Variants in CYB5R3 observed in about 807,000 individuals in gnomAD.
The protein encoded by CYB5R3 is cytochrome b5 reductase 3.
CYB5R3 carries 28 observed loss-of-function variants against 36.5 expected under a neutral mutation model. That is an observed-to-expected ratio of 0.77 (90% confidence interval 0.57 to 1.05). The LOEUF (loss-of-function observed/expected upper bound fraction) is 1.05, where lower values mean the gene tolerates loss of function less well. CYB5R3 is among the 50% of genes least tolerant of loss of function. The pLI, the probability that CYB5R3 is intolerant of heterozygous loss-of-function variation, is 0.00. For missense variants in CYB5R3, 474 were observed against 408.9 expected (o/e 1.16, Z -1.37); for synonymous variants, 181 against 159.8 (o/e 1.13, Z -1.00).
chr22:42,627,442 G>A (rs1928338037), intron 6 of CYB5R3, 53 bp from the exon 7 acceptor site: 1 of 1,573,368 alleles, frequency 6.4e-7, no homozygotes, highest in Non-Finnish European at 8.7e-7. Flanking sequence ...CTGTTCACAG[G>A]CACCGCCCCG....
rs1317389091 is a variant in CYB5R3 at position 42,618,796 on chromosome 22, G to A, written c.*977C>T. The A allele has an allele frequency of 1.3e-5, 2 of 150,378 alleles. No individual in the cohort carries two copies. The highest frequency in any genetic ancestry group is 2.4e-5 in the African/African-American group (1 of 40,990). 9.3% of individuals were successfully genotyped at this position (150,378 alleles called of 1,614,324 possible). On this transcript the variant is annotated 3_prime_UTR_variant, in exon 9 of 9. Coordinates refer to ENST00000352397, the MANE Select transcript of CYB5R3 (RefSeq NM_000398.7). ...CTTGTGTTGCAGGTCACAGACCCTC[G>A]AGGAGCTAGAGAAGGGTTAATATTA... is the stretch of plus-strand genomic sequence containing the variant.
At chr22:42,636,108 C>G (rs1569323412) in intron 2 of CYB5R3, among the ~76,000 whole-genome samples, 2 of 152,058 alleles carry the variant, frequency 1.3e-5, no homozygotes, top group African/African-American at 2.4e-5. Context: ...CGCAGCTACT[C>G]AGGGGGCTGA....
chr22:42,643,216 C>T (rs1490875848), intron 1 of CYB5R3, among the ~76,000 whole-genome samples: 2 of 152,190 alleles, frequency 1.3e-5, no homozygotes, highest in Non-Finnish European at 2.9e-5. Context: ...AGCCACGTGT[C>T]CTGTCTGTAA....
At chr22:42,630,835 G>C in intron 4 of CYB5R3, 47 bp downstream of exon 4, 1 of 1,511,312 alleles carries the variant, frequency 6.6e-7, no homozygotes, top group Non-Finnish European at 9.1e-7. Flanking sequence ...CTGTTGCCAT[G>C]GCCACCCACC....
intron 2 of CYB5R3, 102 bp from the exon 3 acceptor site, chr22:42,631,552 C>T: frequency 2.0e-6 from 2 of 1,005,322 alleles, no homozygotes; most frequent in Non-Finnish European, 3.1e-6. Context: ...TTTGTGTCCC[C>T]ACCCTTCCCC....
At chr22:42,649,241 C>CCG in intron 1 of CYB5R3, 54 bp downstream of exon 1, 1 of 842,490 alleles carries the variant, frequency 1.2e-6, no homozygotes, top group Non-Finnish European at 1.5e-6. Flanking sequence ...CCCTCGCCGC[C>CCG]GGGTCCCAGT....
intron 1 of CYB5R3, among the ~76,000 whole-genome samples, chr22:42,637,820 G>C (rs1928976499): frequency 6.6e-6 from 1 of 152,232 alleles, no homozygotes; most frequent in Admixed American, 6.5e-5. Flanking sequence ...ACAGCTGGCA[G>C]GTGAGGAGCT....
At chr22:42,633,839 T>TG (rs1170444737) in intron 2 of CYB5R3, among the ~76,000 whole-genome samples, 1 of 152,096 alleles carries the variant, frequency 6.6e-6, no homozygotes, top group Admixed American at 6.6e-5. Context: ...TGCATGCACA[T>TG]GGTCCCAGCT....
chr22:42,638,068 G>A (rs555183759), intron 1 of CYB5R3, among the ~76,000 whole-genome samples: 6 of 151,996 alleles, frequency 3.9e-5, no homozygotes, highest in African/African-American at 1.4e-4. Context: ...GGGCAACAGG[G>A]TGAAACTCCA....
In CYB5R3 at chr22:42,619,863, C is replaced by A. The variant is rs1188099476; in HGVS notation, c.816G>T (p.Leu272=). The A allele has an allele frequency of 6.2e-7, 1 of 1,607,292 alleles. No homozygotes were observed. Among genetic ancestry groups the A allele is most frequent in the African/African-American group, 1.3e-5 (1 of 74,856 alleles). Residue 272 remains leucine (L), a synonymous_variant, in exon 9 of 9, where the codon CTG becomes CTT. Transcript: ENST00000352397. The part of the protein sequence containing the change: ...LPPPEEEPLV[L]MCGPPPMIQY... The stretch of plus-strand genomic sequence containing the variant: ...GGATCATGGGTGGGGGGCCACACAT[C>A]AGCACCAGCGGCTCCTCCTCTGGGG...
At chr22:42,624,324 C>T (rs1019861922) in intron 7 of CYB5R3, among the ~76,000 whole-genome samples, 4 of 152,172 alleles carry the variant, frequency 2.6e-5, no homozygotes, top group African/African-American at 7.2e-5. Flanking sequence ...GGATTTGCAC[C>T]CTCAGCCCTC....
Position 42,622,599 on chromosome 22 carries a change from C to T in CYB5R3, c.733+1190G>A, listed in dbSNP as rs148476473. ...ACCCAAGCTGGTCATCTGAGAAGGG[C>T]GGCTGCTCCCTCAGGGATGGGCCCA... On this transcript the variant is annotated intron_variant, in intron 8 of 8. Coordinates refer to ENST00000352397, the MANE Select transcript of CYB5R3 (RefSeq NM_000398.7). Among the ~76,000 whole-genome samples, 91 of 152,246 alleles carry T rather than the reference C, an allele frequency of 6.0e-4. 1 individual carries two copies. In the East Asian group the frequency reaches 0.01, roughly 17 times the overall value.
At chr22:42,639,137 C>T in intron 1 of CYB5R3, 1 of 375,778 alleles carries the variant, frequency 2.7e-6, no homozygotes, top group Non-Finnish European at 5.2e-6. Flanking sequence ...CGAGACCAGC[C>T]TGGCCAACAT....
At chr22:42,644,116 C>A (rs1405179900) in intron 1 of CYB5R3, among the ~76,000 whole-genome samples, 1 of 152,148 alleles carries the variant, frequency 6.6e-6, no homozygotes, top group Non-Finnish European at 1.5e-5. Flanking sequence ...GGTCATATAG[C>A]CATTCAGGGT....
At chr22:42,627,830 G>A (rs947576834) in intron 5 of CYB5R3, 142 bp from the exon 6 acceptor site, 19 of 749,278 alleles carry the variant, frequency 2.5e-5, no homozygotes, top group Middle Eastern at 2.3e-4. Flanking sequence ...GAGCCATGAG[G>A]AAGGTGCAGG....
intron 1 of CYB5R3, chr22:42,640,250 C>T (rs1929177276): frequency 5.7e-6 from 9 of 1,574,090 alleles, no homozygotes; most frequent in Non-Finnish European, 7.7e-6. Context: ...GTCTTCTCCA[C>T]AAGGTTACGG....
chr22:42,622,808 T>G (rs1029136561), intron 8 of CYB5R3, among the ~76,000 whole-genome samples: 2 of 152,186 alleles, frequency 1.3e-5, no homozygotes, highest in Admixed American at 6.5e-5. Context: ...GAGGAAACTG[T>G]GGGGCCGTAG....
intron 1 of CYB5R3, among the ~76,000 whole-genome samples, chr22:42,637,419 C>G (rs1928956770): frequency 6.6e-6 from 1 of 152,202 alleles, no homozygotes; most frequent in Admixed American, 6.5e-5. Flanking sequence ...TGCTCTCCCA[C>G]AGAGCACACT....
At position 42,649,335 on chromosome 22, in the gene CYB5R3, C is replaced by T; in HGVS notation, c.-20G>A. ...CCCCATGGTGGCCCCGCGCCGCGCT[C>T]GCTCTGTCGCCGCCGCCGCCGCCGC... On this transcript the variant is annotated 5_prime_UTR_variant, in exon 1 of 9. Coordinates refer to ENST00000352397, the MANE Select transcript of CYB5R3 (RefSeq NM_000398.7). 1 of 999,976 alleles carries T rather than the reference C, an allele frequency of 1.0e-6. No homozygotes were observed. The highest frequency in any genetic ancestry group is 1.2e-6 in the Non-Finnish European group (1 of 826,168). The allele number at this position is 999,976 out of a possible 1,614,324, so 61.9% of individuals were successfully genotyped here. A position where few individuals can be genotyped will look rare whatever the true frequency, so the allele number is the denominator to read the frequency against.
Sources: allele counts gnomAD v4.1 joint callset (sites outside exome capture counted in the v4.1 genomes callset), GRCh38; gene constraint gnomAD v4.1.1; transcripts MANE v1.5; gene names NCBI Gene and HGNC (gene_info 2026-07-23, HGNC 2026-07-21).